The following CCDC171 variants were observed in gnomAD, a reference collection of about 807,000 sequenced individuals.
The protein encoded by CCDC171 is coiled-coil domain-containing protein 171.
CCDC171 carries 177 observed loss-of-function variants against 168.2 expected under a neutral mutation model. The ratio of observed to expected loss-of-function variants is 1.05; its 90% CI spans 0.93 to 1.19. The LOEUF (loss-of-function observed/expected upper bound fraction) is 1.19, where lower values mean the gene tolerates loss of function less well. CCDC171 is among the 50% of genes most tolerant of loss of function. The pLI, the probability that CCDC171 is intolerant of heterozygous loss-of-function variation, is 0.00. For synonymous variants in CCDC171, 687 were observed against 540.8 expected, an observed-to-expected ratio of 1.27 and a Z score of -3.75; for missense variants, 1,991 against 1,539.0, an observed-to-expected ratio of 1.29 and a Z score of -4.91.
intron 21 of CCDC171, among the ~76,000 whole-genome samples, chr9:15,803,065 G>T (rs1034258214): frequency 6.6e-6 from 1 of 152,200 alleles, no homozygotes; most frequent in African/African-American, 2.4e-5. Context: ...CTTTTGAGAA[G>T]TGTCTGTTCA....
intron 18 of CCDC171, among the ~76,000 whole-genome samples, chr9:15,753,111 C>T (rs112279433): frequency 1.1e-4 from 17 of 152,196 alleles, no homozygotes; most frequent in African/African-American, 4.1e-4. Context: ...ATAATGACAA[C>T]TCATGAGCGA....
chr9:15,954,331 TA>T (rs2132526073), intron 25 of CCDC171, among the ~76,000 whole-genome samples: 2 of 152,210 alleles, frequency 1.3e-5, no homozygotes, highest in South Asian at 4.1e-4. Flanking sequence ...ATTTCCCCCT[TA>T]GCACTGCTTC....
chr9:16,096,055 C>G, the CCDC171 span, among the ~76,000 whole-genome samples: 1 of 151,644 alleles, frequency 6.6e-6, no homozygotes, highest in South Asian at 2.1e-4. Flanking sequence ...AATAATGGTC[C>G]CAGCATATCT....
chr9:15,590,771 C>CTCTTTCTTTCTTTCTT lies in CCDC171; in HGVS notation c.353-546_353-531dup, dbSNP rs71506031. On this transcript the variant is annotated intron_variant, in intron 4 of 25. Transcript: ENST00000380701. ...AGATTTTTTTCTTCTTTCTTTCTTT[C>CTCTTTCTTTCTTTCTT]TCTTTCTTTCTTTCTTTCTTTCTTT... 2.0e-3 allele frequency among the ~76,000 whole-genome samples: 250 copies of CTCTTTCTTTCTTTCTT among 122,606 alleles called. 1 individual carries two copies. The highest frequency in any genetic ancestry group is 2.7e-3 in the East Asian group (12 of 4,424). 80.4% of individuals were successfully genotyped at this position (122,606 alleles called of 152,430 possible).
At position 15,627,703 on chromosome 9, in the gene CCDC171, T is replaced by C. The variant is rs569477931; in HGVS notation, c.822+4290T>C. Among the ~76,000 whole-genome samples the C allele has an allele frequency of 1.4e-3, 218 of 152,344 alleles. 1 individual carries two copies. Among genetic ancestry groups the C allele is most frequent in the African/African-American group, 4.7e-3 (194 of 41,582 alleles). On this transcript the variant is annotated intron_variant, in intron 7 of 25. Coordinates refer to ENST00000380701, the MANE Select transcript of CCDC171 (RefSeq NM_173550.4). ...AGAGACAGTTTGTTATAATTTCTGT[T>C]CTTTTATATTTGCTGAGGAGTGCTT...
At chr9:15,957,019 A>G (rs1829862031) in intron 25 of CCDC171, among the ~76,000 whole-genome samples, 1 of 142,614 alleles carries the variant, frequency 7.0e-6, no homozygotes. Context: ...AACTTTAATC[A>G]TCTAGAAGTC....
chr9:15,957,495 G>A (rs1035731212), intron 25 of CCDC171, among the ~76,000 whole-genome samples: 3 of 152,100 alleles, frequency 2.0e-5, no homozygotes, highest in Non-Finnish European at 4.4e-5. Context: ...TGTTCTCTAA[G>A]CTGTTTCCCC....
intron 4 of CCDC171, chr9:15,587,558 A>G (rs1008323725): frequency 1.1e-4 from 50 of 448,612 alleles, no homozygotes; most frequent in African/African-American, 9.4e-4. Flanking sequence ...ATCCAAAAAA[A>G]CAGACGAATA....
intron 13 of CCDC171, among the ~76,000 whole-genome samples, chr9:15,724,092 T>C (rs924895740): frequency 6.6e-6 from 1 of 152,158 alleles, no homozygotes; most frequent in Non-Finnish European, 1.5e-5. Flanking sequence ...TTGGAGTCAG[T>C]TTTCATCATT....
intron 4 of CCDC171, among the ~76,000 whole-genome samples, chr9:15,590,818 TTTCTTTCTTTCTTTCTTC>T: frequency 6.7e-6 from 1 of 149,810 alleles, no homozygotes; most frequent in Non-Finnish European, 1.5e-5. Context: ...TCTTTCTTTC[TTTCTTTCTTTCTTTCTTC>T]TTCTTTCTTT....
At chr9:15,723,550 T>C in intron 12 of CCDC171, 131 bp from the exon 13 acceptor site, 1 of 643,458 alleles carries the variant, frequency 1.6e-6, no homozygotes, top group Non-Finnish European at 2.7e-6. Context: ...TAATTACTAT[T>C]GAAAAATTTG....
At chr9:15,563,782 T>G (rs995640409) in intron 1 of CCDC171, among the ~76,000 whole-genome samples, 196 bp from the exon 2 acceptor site, 2 of 152,196 alleles carry the variant, frequency 1.3e-5, no homozygotes, top group Non-Finnish European at 2.9e-5. Context: ...TTCTCAGCAC[T>G]GAGATACAGT....
At chr9:15,664,642 G>T (rs968178252) in intron 8 of CCDC171, among the ~76,000 whole-genome samples, 3 of 148,730 alleles carry the variant, frequency 2.0e-5, no homozygotes, top group African/African-American at 7.6e-5. Context: ...TATTTTGTTG[G>T]AATCTCTTGT....
intron 7 of CCDC171, among the ~76,000 whole-genome samples, chr9:15,626,718 G>A (rs532373857): frequency 6.6e-6 from 1 of 152,314 alleles, no homozygotes; most frequent in Admixed American, 6.5e-5. Flanking sequence ...CAGTTTGCCA[G>A]TATTTTACTG....
chr9:16,090,592 G>A, the CCDC171 span, among the ~76,000 whole-genome samples: 10 of 152,242 alleles, frequency 6.6e-5, no homozygotes, highest in East Asian at 1.5e-3. Context: ...TAGCACAAAA[G>A]TATGGAAATA....
At chr9:15,650,631 T>C (rs1277908472) in intron 7 of CCDC171, among the ~76,000 whole-genome samples, 1 of 152,184 alleles carries the variant, frequency 6.6e-6, no homozygotes, top group Non-Finnish European at 1.5e-5. Context: ...TGCTCAGATA[T>C]ATGATTTGTA....
At chr9:16,010,446 G>T (rs1832838361) in intron 3 of CCDC171, among the ~76,000 whole-genome samples, 1 of 152,114 alleles carries the variant, frequency 6.6e-6, no homozygotes, top group African/African-American at 2.4e-5. Context: ...GGCAGCAAGG[G>T]CCTGTGGGGG....
At chr9:15,602,837 T>C (rs1471955880) in intron 6 of CCDC171, among the ~76,000 whole-genome samples, 1 of 151,970 alleles carries the variant, frequency 6.6e-6, no homozygotes, top group African/African-American at 2.4e-5. Context: ...TTTGTATTTT[T>C]AGTAGAGACG....
At chr9:15,762,810 C>G (rs1220999914) in intron 18 of CCDC171, among the ~76,000 whole-genome samples, 1 of 152,196 alleles carries the variant, frequency 6.6e-6, no homozygotes. Context: ...CCTACCTGGT[C>G]TAAGGCAACC....
Sources: allele counts gnomAD v4.1 joint callset (sites outside exome capture counted in the v4.1 genomes callset), GRCh38; gene constraint gnomAD v4.1.1; transcripts MANE v1.5; gene names NCBI Gene and HGNC (gene_info 2026-07-23, HGNC 2026-07-21).